RERE: variants seen among roughly 807,000 people sequenced by gnomAD.
The protein encoded by RERE is arginine-glutamic acid dipeptide repeats, also known as arginine-glutamic acid dipeptide repeats protein.
RERE carries 40 observed loss-of-function variants against 146.1 expected under a neutral mutation model. The observed-to-expected ratio is 0.27, with a 90% CI of 0.21 to 0.36. The LOEUF is 0.36. Ranked by LOEUF, RERE falls within the 10% of genes least tolerant of loss-of-function variation. The pLI is 1.00. For missense variants in RERE, 1,933 were observed against 2,138.7 expected, an observed-to-expected ratio of 0.90 and a Z score of 1.90; for synonymous variants, 1,003 against 866.0, an observed-to-expected ratio of 1.16 and a Z score of -2.78.
chr1:8,498,732 T>TACACACACACAC (rs1553175300), intron 8 of RERE, among the ~76,000 whole-genome samples: 6,522 of 107,652 alleles, frequency 0.061, 340 homozygotes, highest in East Asian at 0.095. Flanking sequence ...AATAAATATA[T>TACACACACACAC]ACACACACAC....
intron 12 of RERE, among the ~76,000 whole-genome samples, chr1:8,420,141 C>G (rs886138103): frequency 6.6e-6 from 1 of 152,090 alleles, no homozygotes; most frequent in Admixed American, 6.5e-5. Flanking sequence ...TTGCGAATAA[C>G]AAAGAAATGA....
At chr1:8,675,470 G>A (rs1477371190) in intron 1 of RERE, among the ~76,000 whole-genome samples, 2 of 134,340 alleles carry the variant, frequency 1.5e-5, no homozygotes, top group African/African-American at 5.6e-5. Context: ...ACCAACCTGG[G>A]CAACGTCGCA....
intron 4 of RERE, among the ~76,000 whole-genome samples, chr1:8,586,073 C>T (rs962448777): frequency 3.2e-4 from 49 of 152,288 alleles, no homozygotes; most frequent in African/African-American, 1.1e-3. Flanking sequence ...GTCAGAGGCA[C>T]ATCTTTAACT....
chr1:8,626,984 C>T (rs982920552), intron 2 of RERE, among the ~76,000 whole-genome samples: 1 of 152,154 alleles, frequency 6.6e-6, no homozygotes, highest in African/African-American at 2.4e-5. Context: ...ATGGTCTGGT[C>T]TCACTCCACA....
chr1:8,577,219 T>G (rs534907426), intron 4 of RERE, among the ~76,000 whole-genome samples: 2 of 152,324 alleles, frequency 1.3e-5, no homozygotes, highest in African/African-American at 4.8e-5. Context: ...TTTTTTTGTT[T>G]TTTTAAATTA....
rs191298701 is a variant in RERE, at chr1:8,416,857, G to A, written c.1284+5870C>T. 2.6e-3 allele frequency among the ~76,000 whole-genome samples: 396 copies of A among 152,280 alleles called. 1 individual carries two copies. Among genetic ancestry groups the A allele is most frequent in the African/African-American group, 9.0e-3 (373 of 41,550 alleles). ...ACAGTACTTTGGAATCCTCTGGGGG[G>A]TCCGTTAAAATGCAGATTCTGGCTC... On this transcript the variant is annotated intron_variant, in intron 12 of 22. Coordinates refer to ENST00000400908, the MANE Select transcript of RERE (RefSeq NM_001042681.2).
intron 10 of RERE, among the ~76,000 whole-genome samples, chr1:8,468,608 C>T (rs189114437): frequency 2.1e-4 from 32 of 152,234 alleles, no homozygotes; most frequent in African/African-American, 7.5e-4. Context: ...AAGTATGAGG[C>T]TAGGCACAGT....
chr1:8,624,456 C>CATAA, intron 2 of RERE, 76 bp from the exon 3 acceptor site: 1 of 878,272 alleles, frequency 1.1e-6, no homozygotes, highest in South Asian at 1.4e-5. Flanking sequence ...AAAGCCACTG[C>CATAA]ATAAATAAAT....
intron 1 of RERE, among the ~76,000 whole-genome samples, chr1:8,705,002 G>C (rs1168514958): frequency 1.3e-5 from 2 of 152,220 alleles, no homozygotes; most frequent in Non-Finnish European, 2.9e-5. Flanking sequence ...ATATGTCAGA[G>C]ATGAAATTGA....
chr1:8,658,729 C>T (rs1212232328), intron 1 of RERE, among the ~76,000 whole-genome samples: 1 of 151,244 alleles, frequency 6.6e-6, no homozygotes, highest in African/African-American at 2.4e-5. Flanking sequence ...TGCACTCCAG[C>T]CTGGGCAACG....
At chr1:8,712,701 T>C (rs774414637) in intron 1 of RERE, among the ~76,000 whole-genome samples, 16 of 152,126 alleles carry the variant, frequency 1.1e-4, no homozygotes, top group Non-Finnish European at 2.4e-4. Flanking sequence ...AGATCAGACA[T>C]GAGCCCTGTG....
chr1:8,598,214 C>T (rs778985101), intron 4 of RERE, among the ~76,000 whole-genome samples: 65 of 152,200 alleles, frequency 4.3e-4, no homozygotes, highest in Non-Finnish European at 6.8e-4. Flanking sequence ...ACTGCCACCT[C>T]GCTCTTGCTC....
chr1:8,440,588 TAAAAA>T (rs61101850), intron 11 of RERE, among the ~76,000 whole-genome samples: 7 of 71,452 alleles, frequency 9.8e-5, no homozygotes, highest in Admixed American at 1.7e-4. Flanking sequence ...AGACTCCACC[TAAAAA>T]AAAAAAAAAA....
chr1:8,569,257 CAAAA>C (rs77151908), intron 4 of RERE, among the ~76,000 whole-genome samples: 3 of 101,482 alleles, frequency 3.0e-5, no homozygotes, highest in Admixed American at 1.1e-4. Context: ...TCTTTAAAAG[CAAAA>C]AAAAAAAAAA....
intron 7 of RERE, among the ~76,000 whole-genome samples, chr1:8,510,504 T>C (rs1006291674): frequency 2.0e-5 from 3 of 152,152 alleles, no homozygotes; most frequent in Admixed American, 6.5e-5. Context: ...ATTGTTCTCA[T>C]AGGTTTATGC....
chr1:8,740,561 CTT>C (rs1383726312), intron 1 of RERE, among the ~76,000 whole-genome samples: 5 of 152,308 alleles, frequency 3.3e-5, no homozygotes, highest in African/African-American at 9.6e-5. Context: ...CTTTTTGACT[CTT>C]AACAACTCAG....
chr1:8,402,131 T>C (rs1412915351), intron 12 of RERE, among the ~76,000 whole-genome samples: 2 of 152,206 alleles, frequency 1.3e-5, no homozygotes, highest in Admixed American at 6.5e-5. Flanking sequence ...CCTCCCAAAG[T>C]GCTGGGATTA....
chr1:8,686,602 T>C (rs1011021705), intron 1 of RERE, among the ~76,000 whole-genome samples: 8 of 151,892 alleles, frequency 5.3e-5, no homozygotes, highest in South Asian at 2.1e-4. Context: ...ATACAAAAAT[T>C]AGCTGGGTGT....
In RERE at chr1:8,815,969, G is replaced by T. The variant is rs12049466; in HGVS notation, c.-145+1191C>A. 2.3e-4 allele frequency among the ~76,000 whole-genome samples: 35 copies of T among 152,028 alleles called. No individual in the cohort carries two copies. The East Asian group carries it at 6.0e-3, about 26-fold the overall frequency. ...ATCCCAGGCCATCAAAATCAAAACT[G>T]GTTGATAATTTACAGTAGTATTAAC... On this transcript the variant is annotated intron_variant, in intron 1 of 22. Transcript: ENST00000400908.
Sources: allele counts gnomAD v4.1 joint callset (sites outside exome capture counted in the v4.1 genomes callset), GRCh38; gene constraint gnomAD v4.1.1; transcripts MANE v1.5; gene names NCBI Gene and HGNC (gene_info 2026-07-23, HGNC 2026-07-21).